ANK2: variants seen among roughly 807,000 people sequenced by gnomAD.
ANK2 encodes ankyrin-2.
A neutral mutation model predicts 360.5 loss-of-function variants in ANK2; 83 were observed. The observed-to-expected ratio is 0.23, with a 90% CI of 0.19 to 0.28. The LOEUF (loss-of-function observed/expected upper bound fraction) is 0.28. Ranked by LOEUF, ANK2 falls within the 10% of genes least tolerant of loss-of-function variation. The probability of loss-of-function intolerance (pLI) is 1.00; values close to 1 mark genes in which losing one functional copy is unlikely to be tolerated. For synonymous variants in ANK2, 1,740 were observed against 1,759.5 expected (o/e 0.99, Z 0.28); for missense variants, 4,201 against 4,795.7 (o/e 0.88, Z 3.66).
At position 113,114,863 on chromosome 4, in the gene ANK2, A is replaced by G. The variant is rs117748514; in HGVS notation, c.85-59553A>G. Among the ~76,000 whole-genome samples, 13 of 152,342 alleles carry G rather than the reference A, an allele frequency of 8.5e-5. No homozygotes were observed. The East Asian group carries it at 2.3e-3, about 27-fold the overall frequency. ...AGTGGAAAGGTCTTGTGCCAGAAGA[A>G]GCTGGAGTCACCCTCACAACAGGAA... is the stretch of plus-strand genomic sequence containing the variant. On this transcript the variant is annotated intron_variant, in intron 1 of 45. Coordinates refer to ENST00000357077, the MANE Select transcript of ANK2 (RefSeq NM_001148.6).
chr4:112,728,989 A>T, the ANK2 span, among the ~76,000 whole-genome samples: 1,889 of 152,172 alleles, frequency 0.012, 53 homozygotes, highest in African/African-American at 0.043. Context: ...GTAGGTCTAC[A>T]TCAGCCCAGG....
intron 1 of ANK2, among the ~76,000 whole-genome samples, chr4:113,115,246 T>C (rs1334568174): frequency 6.6e-6 from 1 of 152,224 alleles, no homozygotes; most frequent in Non-Finnish European, 1.5e-5. Context: ...AATGACTATG[T>C]GTATTTCTCT....
At chr4:112,706,430 C>T in the ANK2 span, among the ~76,000 whole-genome samples, 9 of 152,196 alleles carry the variant, frequency 5.9e-5, no homozygotes, top group East Asian at 9.7e-4. Context: ...ACGCAGATAG[C>T]CCTAGAAAAA....
At position 113,353,113 on chromosome 4, in the gene ANK2, G is replaced by A; in HGVS notation, c.4495G>A (p.Ala1499Thr). ...CCTGGTTAATGAAGTTCCTGTCCTA[G>A]CAAGTCCGGACTTGCTCTCTGAAGT... ...SHLVNEVPVL[A>T]SPDLLSEVSE... The change falls in exon 38 of 46, where the codon GCA becomes ACA. Residue 1499 changes from alanine (A) to threonine (T), a missense_variant. By Grantham distance (58) the Ala-to-Thr change is moderately conservative. Coordinates refer to ENST00000357077, the MANE Select transcript of ANK2 (RefSeq NM_001148.6). 1 of 1,614,016 alleles carries A rather than the reference G, an allele frequency of 6.2e-7. No homozygotes were observed. Among genetic ancestry groups the A allele is most frequent in the Non-Finnish European group, 8.5e-7 (1 of 1,179,942 alleles).
At position 113,008,218 on chromosome 4, in the gene ANK2, A is replaced by T. The variant is rs577365302; in HGVS notation, c.21+103704A>T. Among the ~76,000 whole-genome samples the T allele has an allele frequency of 2.0e-5, 3 of 152,038 alleles. No individual in the cohort carries two copies. The East Asian group carries it at 5.8e-4, about 29-fold the overall frequency. On this transcript the variant is annotated intron_variant, in intron 2 of 30. Transcript: ENST00000503271. ...TTCCCAACTGCATAGGACTGTAAACATTATATAAAGCTTTGTGTGCTACAC... is the reference window on the plus strand; with the variant it reads ...TTCCCAACTGCATAGGACTGTAAACTTTATATAAAGCTTTGTGTGCTACAC...
Position 113,178,543 on chromosome 4 carries a change from G to A in ANK2, c.186+4026G>A, listed in dbSNP as rs191999564. 3.2e-3 allele frequency among the ~76,000 whole-genome samples: 472 copies of A among 146,484 alleles called. 2 individuals carry two copies. Among genetic ancestry groups the A allele is most frequent in the African/African-American group, 0.011 (452 of 39,336 alleles). On this transcript the variant is annotated intron_variant, in intron 2 of 45. Coordinates refer to ENST00000357077, the MANE Select transcript of ANK2 (RefSeq NM_001148.6). ...GCCAAGATTGCGCCACTGCACTCTA[G>A]CCTGCGCGATAGAGTGAGACTCCAT...
At chr4:113,129,600 A>T (rs1164568125) in intron 1 of ANK2, among the ~76,000 whole-genome samples, 1 of 152,212 alleles carries the variant, frequency 6.6e-6, no homozygotes, top group Non-Finnish European at 1.5e-5. Context: ...TAAATAGCAC[A>T]TGCAAGGAGC....
At chr4:112,730,636 CA>C in the ANK2 span, among the ~76,000 whole-genome samples, 8,284 of 57,830 alleles carry the variant, frequency 0.14, 184 homozygotes, top group African/African-American at 0.27. Context: ...GACTCCATCT[CA>C]AAAAAAAAAA....
chr4:112,810,877 TTTG>T, the ANK2 span, among the ~76,000 whole-genome samples: 1 of 151,330 alleles, frequency 6.6e-6, no homozygotes, highest in Non-Finnish European at 1.5e-5. Flanking sequence ...TTGTTGTTGT[TTTG>T]TTACATTTTC....
At chr4:112,705,912 CGGCCCCGAGTCCGCCGG>C in the ANK2 span, among the ~76,000 whole-genome samples, 1,365 of 151,732 alleles carry the variant, frequency 9.0e-3, 12 homozygotes, top group African/African-American at 0.031. Flanking sequence ...CGGCCCGCCG[CGGCCCCGAGTCCGCCGG>C]CCGGGATGTA....
chr4:113,044,214 T>G (rs2063694612), intron 2 of ANK2, among the ~76,000 whole-genome samples: 1 of 152,260 alleles, frequency 6.6e-6, no homozygotes, highest in East Asian at 1.9e-4. Flanking sequence ...AAAAGTTACT[T>G]GTGTCCTATG....
intron 40 of ANK2, 104 bp from the exon 41 acceptor site, chr4:113,364,934 GT>G (rs1356132223): frequency 2.9e-6 from 4 of 1,398,766 alleles, no homozygotes; most frequent in Non-Finnish European, 3.0e-6. Context: ...GGCTTTGATT[GT>G]TTTTTTCTGT....
intron 2 of ANK2, among the ~76,000 whole-genome samples, chr4:113,178,212 C>T (rs534505698): frequency 1.3e-5 from 2 of 151,794 alleles, no homozygotes; most frequent in Non-Finnish European, 1.5e-5. Context: ...TAGCTATGAT[C>T]GTGCCACTGT....
intron 1 of ANK2, among the ~76,000 whole-genome samples, chr4:113,087,008 T>C (rs1180315629): frequency 6.6e-6 from 1 of 152,174 alleles, no homozygotes; most frequent in Non-Finnish European, 1.5e-5. Context: ...AATACAGACC[T>C]GACCAAGACA....
intron 2 of ANK2, among the ~76,000 whole-genome samples, chr4:113,184,089 A>G (rs1389259375): frequency 6.7e-6 from 1 of 149,392 alleles, no homozygotes; most frequent in African/African-American, 2.5e-5. Flanking sequence ...ACTTGAGTAG[A>G]CTTCAGGGAA....
At chr4:113,361,085 A>G (rs2096190548) in intron 39 of ANK2, among the ~76,000 whole-genome samples, 188 bp downstream of exon 39, 1 of 152,212 alleles carries the variant, frequency 6.6e-6, no homozygotes, top group Admixed American at 6.5e-5. Context: ...GCCTTTTATC[A>G]TCTCTGAAAT....
the ANK2 span, among the ~76,000 whole-genome samples, chr4:112,724,556 TACACACACACACAC>T: frequency 2.1e-5 from 3 of 141,666 alleles, no homozygotes; most frequent in African/African-American, 5.2e-5. Flanking sequence ...CACACACACA[TACACACACACACAC>T]ACACACACAC....
intron 45 of ANK2, among the ~76,000 whole-genome samples, chr4:113,376,316 A>G (rs1156723491): frequency 6.6e-6 from 1 of 152,218 alleles, no homozygotes; most frequent in Admixed American, 6.5e-5. Flanking sequence ...ACTGTAGGCA[A>G]TTATAACACA....
intron 4 of ANK2, among the ~76,000 whole-genome samples, chr4:113,222,075 T>C (rs2099158048): frequency 6.6e-6 from 1 of 152,228 alleles, no homozygotes; most frequent in Non-Finnish European, 1.5e-5. Flanking sequence ...TCCCTGTGAA[T>C]GCTAATTTCC....
Sources: allele counts gnomAD v4.1 joint callset (sites outside exome capture counted in the v4.1 genomes callset), GRCh38; gene constraint gnomAD v4.1.1; transcripts MANE v1.5; gene names NCBI Gene and HGNC (gene_info 2026-07-23, HGNC 2026-07-21).